NCLN: variants seen among roughly 807,000 people sequenced by gnomAD.
The protein encoded by NCLN is nicalin, also known as BOS complex subunit NCLN.
Under a neutral mutation model 69.5 loss-of-function variants are expected in NCLN, and 34 were observed. The ratio of observed to expected loss-of-function variants is 0.49; its 90% CI spans 0.37 to 0.65. The LOEUF is 0.65. Ranked by LOEUF, NCLN falls within the 30% of genes least tolerant of loss-of-function variation. NCLN has a pLI of 0.00. For synonymous variants in NCLN, 393 were observed against 358.3 expected, an observed-to-expected ratio of 1.10 and a Z score of -1.09; for missense variants, 710 against 804.8, an observed-to-expected ratio of 0.88 and a Z score of 1.42.
rs537058047 is a variant in NCLN, at chr19:3,195,348, C to T, written c.521-835C>T. Among the ~76,000 whole-genome samples the T allele has an allele frequency of 2.6e-5, 4 of 152,048 alleles. No individual in the cohort carries two copies. In the South Asian group the frequency reaches 8.3e-4, roughly 32 times the overall value. ...CACTGCAAGCTCCACCTCCCGGGTT[C>T]GCGCCATTCTCCTGCCTCAGCCTCC... On this transcript the variant is annotated intron_variant, in intron 3 of 14. Transcript: ENST00000246117.
At chr19:3,200,976 A>G (rs1458462175) in intron 5 of NCLN, among the ~76,000 whole-genome samples, 1 of 152,192 alleles carries the variant, frequency 6.6e-6, no homozygotes, top group East Asian at 1.9e-4. Context: ...GACGGTCCCA[A>G]GCCATTGCAA....
At position 3,207,918 on chromosome 19, in the gene NCLN, G is replaced by A. The variant is rs1916318203; in HGVS notation, c.*230G>A. The A allele has an allele frequency of 1.8e-6, 1 of 548,102 alleles. No individual in the cohort carries two copies. Among genetic ancestry groups the A allele is most frequent in the South Asian group, 2.4e-5 (1 of 42,230 alleles). 34.0% of individuals were successfully genotyped at this position (548,102 alleles called of 1,614,324 possible). ...TTGAACTTCCTTGGAGGAGAGCTTG[G>A]GAGACGTCCCGGGGCCAGGCTACGG... On this transcript the variant is annotated 3_prime_UTR_variant, in exon 15 of 15. Transcript: ENST00000246117.
intron 6 of NCLN, 26 bp downstream of exon 6, chr19:3,201,652 T>A (rs1279422122): frequency 1.3e-6 from 1 of 772,872 alleles, no homozygotes; most frequent in Non-Finnish European, 2.0e-6. Flanking sequence ...GGCAGGGGGA[T>A]GGGGGTGCGG....
rs1271281167 is a variant in NCLN at position 3,185,961 on chromosome 19, G to C, written c.-70G>C. 7.7e-7 allele frequency: 1 copy of C among 1,294,982 alleles called. No individual in the cohort carries two copies. Among genetic ancestry groups the C allele is most frequent in the Non-Finnish European group, 1.0e-6 (1 of 1,004,464 alleles). 80.2% of individuals were successfully genotyped at this position (1,294,982 alleles called of 1,614,324 possible). On this transcript the variant is annotated 5_prime_UTR_variant, in exon 1 of 15. Transcript: ENST00000246117. ...CCGGCGGCTACCCATGCCGAGGTGA[G>C]TCCGCGGGAGCCGCCGCCGCCGCCG...
rs1599358615 is a variant in NCLN, at chr19:3,204,225, G to A, written c.1029+81G>A. 3.5e-6 allele frequency: 5 copies of A among 1,430,096 alleles called. No individual in the cohort carries two copies. The East Asian group carries it at 7.6e-5, about 22-fold the overall frequency. The allele number at this position is 1,430,096 out of a possible 1,614,324, so 88.6% of individuals were successfully genotyped here. On this transcript the variant is annotated intron_variant, in intron 8 of 14. Coordinates refer to ENST00000246117, the MANE Select transcript of NCLN (RefSeq NM_020170.4). ...CCGGGTTGGGGCATCCTGTCCCAGG[G>A]TGTCCTTGCTGTCCGCCCCTCAGGC...
At chr19:3,191,017 C>T (rs975977807) in intron 1 of NCLN, among the ~76,000 whole-genome samples, 1 of 145,690 alleles carries the variant, frequency 6.9e-6, no homozygotes, top group Non-Finnish European at 1.5e-5. Context: ...GTGTGGCGGG[C>T]AGCAGGGAGA....
intron 6 of NCLN, 116 bp downstream of exon 6, chr19:3,201,742 C>T (rs1025807220): frequency 2.3e-6 from 2 of 863,956 alleles, no homozygotes; most frequent in African/African-American, 3.5e-5. Flanking sequence ...CAAAGTGGGC[C>T]TGAGCCCAGG....
At chr19:3,204,258 GC>G in intron 8 of NCLN, 114 bp downstream of exon 8, 1 of 1,291,644 alleles carries the variant, frequency 7.7e-7, no homozygotes, top group Non-Finnish European at 1.0e-6. Context: ...GGCTCTGAGG[GC>G]CACACTGTGT....
intron 6 of NCLN, 52 bp from the exon 7 acceptor site, chr19:3,203,704 C>T (rs2144915763): frequency 6.6e-7 from 1 of 1,524,254 alleles, no homozygotes; most frequent in Admixed American, 1.9e-5. Flanking sequence ...CTGGTCCCTC[C>T]TCCACCCCAG....
At position 3,203,783 on chromosome 19, in the gene NCLN, A is replaced by G; in HGVS notation, c.828A>G (p.Gly276=). 2 of 1,613,234 alleles carry G rather than the reference A, an allele frequency of 1.2e-6. No individual in the cohort carries two copies. Among genetic ancestry groups the G allele is most frequent in the Non-Finnish European group, 1.7e-6 (2 of 1,179,822 alleles). Residue 276 remains glycine, a synonymous_variant, in exon 7 of 15, where the codon GGA becomes GGG. Transcript: ENST00000246117. ...AAYNLLFFAS[G]GGKFNYQGTK... is the part of the protein sequence containing the mutation. ...ACAACCTCCTGTTCTTTGCGTCTGG[A>G]GGAGGCAAGTTTAACTACCAGGGAA...
In NCLN at chr19:3,207,270, G is replaced by T; in HGVS notation, c.1553+19G>T. Reference sequence around the variant, plus strand: ...CGTACAGGTGAGTGGTGGCCAGCGGGACCTGGAGCCCTTCACCCCCTACGG... The same window carrying T: ...CGTACAGGTGAGTGGTGGCCAGCGGTACCTGGAGCCCTTCACCCCCTACGG... On this transcript the variant is annotated intron_variant, in intron 13 of 14. Coordinates refer to ENST00000246117, the MANE Select transcript of NCLN (RefSeq NM_020170.4). The T allele has an allele frequency of 6.2e-7, 1 of 1,613,552 alleles. No homozygotes were observed. Among genetic ancestry groups the T allele is most frequent in the African/African-American group, 1.3e-5 (1 of 75,066 alleles).
chr19:3,203,681 C>T (rs373936630), intron 6 of NCLN, 75 bp from the exon 7 acceptor site: 9 of 1,344,026 alleles, frequency 6.7e-6, no homozygotes, highest in Non-Finnish European at 9.3e-6. Flanking sequence ...TCCTGGGGGA[C>T]CTGTGACCTG....
intron 1 of NCLN, 68 bp from the exon 2 acceptor site, chr19:3,192,402 C>T (rs1915848442): frequency 1.5e-6 from 2 of 1,364,856 alleles, no homozygotes; most frequent in Admixed American, 2.7e-5. Context: ...GGTCCCTGGC[C>T]TGGATCTGTC....
chr19:3,187,523 A>G (rs1246182760), intron 1 of NCLN, among the ~76,000 whole-genome samples: 1 of 152,174 alleles, frequency 6.6e-6, no homozygotes, highest in Non-Finnish European at 1.5e-5. Context: ...TGGAGATGGA[A>G]CCAGACTTTG....
chr19:3,203,090 T>G (rs1024191906), intron 6 of NCLN, among the ~76,000 whole-genome samples: 2 of 152,082 alleles, frequency 1.3e-5, no homozygotes, highest in Non-Finnish European at 2.9e-5. Flanking sequence ...CTGCGGCAGG[T>G]GGATCACCTG....
rs113599850 is a variant in NCLN at position 3,207,188 on chromosome 19, C to T, written c.1500-10C>T. The T allele has an allele frequency of 2.0e-4, 326 of 1,613,556 alleles. 3 individuals are homozygous for T. The African/African-American group carries it at 3.5e-3, about 18-fold the overall frequency. On this transcript the variant is annotated splice_polypyrimidine_tract_variant and intron_variant, in intron 12 of 14. Transcript: ENST00000246117. ...CAGTGGTGCCCCCTGAGAAAGTGCT[C>T]TCTCCCCAGGGACCCAGAGTTTGTC... is the stretch of plus-strand genomic sequence containing the variant.
chr19:3,186,099 C>A lies in NCLN; in HGVS notation c.69C>A (p.Ile23=), dbSNP rs770585966. ...LKASCLPLGF[I]VFLPAVLLLV... is the part of the protein sequence containing the mutation. ...CGTCTTGTCTGCCGCTCGGCTTCAT[C>A]GTCTTCCTGCCCGCTGTGCTGCTGC... Residue 23 remains isoleucine, a synonymous_variant, in exon 1 of 15, where the codon ATC becomes ATA. Coordinates refer to ENST00000246117, the MANE Select transcript of NCLN (RefSeq NM_020170.4). 1.2e-5 allele frequency: 19 copies of A among 1,599,986 alleles called. No individual in the cohort carries two copies. The highest frequency in any genetic ancestry group is 2.3e-5 in the East Asian group (1 of 42,680).
chr19:3,198,528 A>C lies in NCLN; in HGVS notation c.616-289A>C, dbSNP rs553776693. On this transcript the variant is annotated intron_variant, in intron 4 of 14. Transcript: ENST00000246117. ...TCTCAAAAAAAAAAAAAAAAACACA[A>C]ACAAAAAAAAAAAACTTATTCTCCT... Among the ~76,000 whole-genome samples the C allele has an allele frequency of 4.2e-3, 607 of 145,296 alleles. 13 individuals are homozygous for C. The highest frequency in any genetic ancestry group is 0.016 in the African/African-American group (575 of 35,680).
At position 3,199,343 on chromosome 19, in the gene NCLN, G is replaced by A. The variant is rs113443887; in HGVS notation, c.696+446G>A. Among the ~76,000 whole-genome samples the A allele has an allele frequency of 2.9e-4, 44 of 152,376 alleles. 1 individual carries two copies. The highest frequency in any genetic ancestry group is 1.1e-3 in the African/African-American group (44 of 41,586). On this transcript the variant is annotated intron_variant, in intron 5 of 14. Coordinates refer to ENST00000246117, the MANE Select transcript of NCLN (RefSeq NM_020170.4). The stretch of plus-strand genomic sequence containing the variant: ...TCTCCCTGTGTGTCACGTGGAACAC[G>A]CCTCATTGTCAGCAGTGAGCTGGGA...
Sources: gnomAD v4.1 joint callset for allele counts (sites outside exome capture counted in the v4.1 genomes callset) on GRCh38, gnomAD v4.1.1 for gene constraint, MANE v1.5 for transcripts, NCBI Gene and HGNC (gene_info 2026-07-23, HGNC 2026-07-21) for gene names.